The following LPA variants were observed in gnomAD, a reference collection of about 807,000 sequenced individuals.
LPA encodes lipoprotein(a).
Under a neutral mutation model 197.9 loss-of-function variants are expected in LPA, and 199 were observed. The ratio of observed to expected loss-of-function variants is 1.01; its 90% CI spans 0.90 to 1.13. LPA has a LOEUF of 1.13. Among genes scored for constraint, LPA ranks in the 50% most tolerant of loss-of-function variants. LPA has a pLI of 0.00. For synonymous variants in LPA, 715 were observed against 639.5 expected (o/e 1.12, Z -1.78); for missense variants, 1,853 against 1,785.8 (o/e 1.04, Z -0.68).
At chr6:160,646,926 C>G (rs967132586) in intron 2 of LPA, among the ~76,000 whole-genome samples, 1 of 151,850 alleles carries the variant, frequency 6.6e-6, no homozygotes, top group African/African-American at 2.4e-5. Flanking sequence ...ACTCCATGTA[C>G]TCAAAACCTA....
Position 160,531,695 on chromosome 6 carries a change from A to G in LPA, c.*34T>C. ...ATCCTTACCCACGTTTCAGCTTCTAAGTAGGTTGATGCTTCACTCTGTCTC... is the reference window on the plus strand; with the variant it reads ...ATCCTTACCCACGTTTCAGCTTCTAGGTAGGTTGATGCTTCACTCTGTCTC... On this transcript the variant is annotated 3_prime_UTR_variant, in exon 39 of 39. Coordinates refer to ENST00000316300, the MANE Select transcript of LPA (RefSeq NM_005577.4). The G allele has an allele frequency of 6.2e-7, 1 of 1,613,344 alleles. No homozygotes were observed. Among genetic ancestry groups the G allele is most frequent in the South Asian group, 1.1e-5 (1 of 91,064 alleles).
intron 18 of LPA, among the ~76,000 whole-genome samples, chr6:160,602,678 C>G (rs767313198): frequency 6.6e-6 from 1 of 152,186 alleles, no homozygotes; most frequent in Non-Finnish European, 1.5e-5. Context: ...CCTGCTGATT[C>G]CAAATTATTA....
chr6:160,606,270 T>A (rs1293459178), intron 17 of LPA, among the ~76,000 whole-genome samples: 1 of 152,132 alleles, frequency 6.6e-6, no homozygotes, highest in Non-Finnish European at 1.5e-5. Context: ...TTTGTGCCAA[T>A]TCTAAAGACA....
intron 28 of LPA, among the ~76,000 whole-genome samples, chr6:160,565,616 C>A (rs1778438776): frequency 6.6e-6 from 1 of 152,204 alleles, no homozygotes; most frequent in South Asian, 2.1e-4. Context: ...CAGGGTGCCT[C>A]TTCTCCTCCG....
intron 30 of LPA, among the ~76,000 whole-genome samples, chr6:160,552,990 G>T (rs1778190419): frequency 6.6e-6 from 1 of 151,512 alleles, no homozygotes; most frequent in African/African-American, 2.4e-5. Context: ...AAATTTTTTT[G>T]GTTGTCCTAG....
intron 16 of LPA, 81 bp downstream of exon 16, chr6:160,611,481 G>T: frequency 6.3e-7 from 1 of 1,579,640 alleles, no homozygotes; most frequent in Non-Finnish European, 8.6e-7. Context: ...TGAGTTCGGA[G>T]AACTCAGCTT....
Position 160,590,943 on chromosome 6 carries a change from C to T in LPA, c.3787+1G>A, listed in dbSNP as rs747762042. Reference sequence around the variant, plus strand: ...TGGTTGTCTGGCCAGAGACTTCTTACCTTGTTCAGAAACAGCCGTGGACGT... The same window carrying T: ...TGGTTGTCTGGCCAGAGACTTCTTATCTTGTTCAGAAACAGCCGTGGACGT... On this transcript the variant is annotated splice_donor_variant, in intron 23 of 38. Transcript: ENST00000316300. LOFTEE classifies it high-confidence loss of function. 30 of 1,613,814 alleles carry T rather than the reference C, an allele frequency of 1.9e-5. No individual in the cohort carries two copies. The highest frequency in any genetic ancestry group is 3.3e-5 in the South Asian group (3 of 91,088).
intron 30 of LPA, among the ~76,000 whole-genome samples, chr6:160,551,363 C>T (rs1042497596): frequency 1.3e-5 from 2 of 152,170 alleles, no homozygotes; most frequent in Admixed American, 1.3e-4. Flanking sequence ...AATGCCTATT[C>T]AATCTGTTGC....
chr6:160,646,922 T>C (rs1285191055), intron 2 of LPA, among the ~76,000 whole-genome samples: 1 of 151,900 alleles, frequency 6.6e-6, no homozygotes, highest in East Asian at 1.9e-4. Flanking sequence ...TCACACTCCA[T>C]GTACTCAAAA....
At chr6:160,548,162 T>G (rs1355342010) in intron 31 of LPA, among the ~76,000 whole-genome samples, 1 of 152,136 alleles carries the variant, frequency 6.6e-6, no homozygotes, top group Non-Finnish European at 1.5e-5. Flanking sequence ...GTTGACAGCA[T>G]GTTAGAATAG....
chr6:160,611,266 G>A lies in LPA; in HGVS notation c.2603+296C>T, dbSNP rs950731541. Among the ~76,000 whole-genome samples, 5 of 152,128 alleles carry A rather than the reference G, an allele frequency of 3.3e-5. 1 individual carries two copies. The highest frequency in any genetic ancestry group is 1.2e-4 in the African/African-American group (5 of 41,410). On this transcript the variant is annotated intron_variant, in intron 16 of 38. Coordinates refer to ENST00000316300, the MANE Select transcript of LPA (RefSeq NM_005577.4). ...GAAAGTCTTCATTGACGCTTAGTGG[G>A]TGTTGGGCAAGGGTAATCTAAGTGT...
intron 17 of LPA, among the ~76,000 whole-genome samples, chr6:160,605,508 T>C (rs1456080173): frequency 2.6e-5 from 4 of 152,214 alleles, no homozygotes; most frequent in Admixed American, 2.6e-4. Context: ...CAATGGAAAC[T>C]GTGCTCACGT....
rs1180130906 is a variant in LPA at position 160,593,980 on chromosome 6, T to C, written c.3607A>G (p.Thr1203Ala). 1 of 1,613,920 alleles carries C rather than the reference T, an allele frequency of 6.2e-7. No individual in the cohort carries two copies. The highest frequency in any genetic ancestry group is 1.1e-5 in the South Asian group (1 of 91,082). The change falls in exon 22 of 39, where the codon ACA becomes GCA. Residue 1203 changes from threonine (T) to alanine (A), a missense_variant. Physicochemically the swap from Thr to Ala is moderately conservative, Grantham distance 58. Transcript: ENST00000316300. The part of the protein sequence containing the change: ...SSMTPHWHQR[T>A]TEYYPNGGLT... ...TACCCATTTGGATAATATTCTGTTG[T>C]CCTCTGATGCCAGTGTGGTGTCATA...
chr6:160,545,205 C>A (rs1184576165), intron 33 of LPA, among the ~76,000 whole-genome samples: 4 of 151,672 alleles, frequency 2.6e-5, no homozygotes, highest in African/African-American at 4.8e-5. Context: ...GGGAATTTGA[C>A]ATTTATTTTA....
At chr6:160,568,179 A>C (rs887514027) in intron 28 of LPA, among the ~76,000 whole-genome samples, 1 of 152,238 alleles carries the variant, frequency 6.6e-6, no homozygotes, top group Admixed American at 6.5e-5. Flanking sequence ...TGGCAGAGAC[A>C]CAACAAAAAT....
intron 22 of LPA, among the ~76,000 whole-genome samples, chr6:160,592,146 C>T (rs1779042195): frequency 6.6e-6 from 1 of 152,122 alleles, no homozygotes. Context: ...TGTGACTTGC[C>T]TAACACATAT....
intron 16 of LPA, 126 bp from the exon 17 acceptor site, chr6:160,606,784 A>C: frequency 7.0e-7 from 1 of 1,426,146 alleles, no homozygotes; most frequent in Non-Finnish European, 9.9e-7. Flanking sequence ...TAAAAGTACC[A>C]TATGATTGCC....
intron 16 of LPA, among the ~76,000 whole-genome samples, chr6:160,607,147 T>C (rs1779372702): frequency 6.6e-6 from 1 of 152,128 alleles, no homozygotes; most frequent in South Asian, 2.1e-4. Flanking sequence ...TCCAGGAGGA[T>C]AACCTTTCCA....
chr6:160,631,544 A>C, intron 8 of LPA, among the ~76,000 whole-genome samples: 1 of 133,092 alleles, frequency 7.5e-6, no homozygotes, highest in Middle Eastern at 3.8e-3. Context: ...AGTGTTTCTG[A>C]GGTGAACACA....
Sources: gnomAD v4.1 joint callset for allele counts (sites outside exome capture counted in the v4.1 genomes callset) on GRCh38, gnomAD v4.1.1 for gene constraint, MANE v1.5 for transcripts, NCBI Gene and HGNC (gene_info 2026-07-23, HGNC 2026-07-21) for gene names.